Variants in FAAH2 observed in about 807,000 individuals in gnomAD.
FAAH2 encodes fatty-acid amide hydrolase 2.
A neutral mutation model predicts 36.9 loss-of-function variants in FAAH2; 60 were observed. The ratio of observed to expected loss-of-function variants is 1.63; its 90% CI spans 1.32 to 2.02. The LOEUF (loss-of-function observed/expected upper bound fraction) is 2.02, where lower values mean the gene tolerates loss of function less well. FAAH2 is among the 30% of genes most tolerant of loss of function. The pLI is 0.00. For missense variants in FAAH2, 689 were observed against 397.5 expected (o/e 1.73, Z -6.23); for synonymous variants, 214 against 143.8 (o/e 1.49, Z -3.49).
the FAAH2 span, among the ~76,000 whole-genome samples, chrX:57,205,858 G>C: frequency 8.9e-6 from 1 of 111,915 alleles, no homozygotes; most frequent in Non-Finnish European, 1.9e-5. Flanking sequence ...TGCTGTATTT[G>C]TGCCTTCATG....
At chrX:57,408,683 G>A (rs904987498) in intron 7 of FAAH2, among the ~76,000 whole-genome samples, 1 of 110,984 alleles carries the variant, frequency 9.0e-6, no homozygotes, top group African/African-American at 3.3e-5. Flanking sequence ...CATTGAGTCT[G>A]ATGTTAGCTG....
At chrX:57,392,805 G>A in intron 7 of FAAH2, 1 of 646,147 alleles carries the variant, frequency 1.5e-6, no homozygotes. Context: ...GAATCCTGTA[G>A]GGACACCTTT....
At chrX:57,464,053 C>A (rs55841252) in intron 10 of FAAH2, among the ~76,000 whole-genome samples, 1,575 of 112,107 alleles carry the variant, frequency 0.014, 20 homozygotes, top group African/African-American at 0.048. Context: ...CACATATACA[C>A]CATAAAGTAC....
At chrX:57,165,922 C>T in the FAAH2 span, among the ~76,000 whole-genome samples, 1 of 110,257 alleles carries the variant, frequency 9.1e-6, no homozygotes, top group Non-Finnish European at 1.9e-5. Flanking sequence ...CTTGGCCTGC[C>T]ATGCCCCCCA....
At chrX:57,349,858 A>C (rs1193039300) in intron 5 of FAAH2, among the ~76,000 whole-genome samples, 1 of 110,591 alleles carries the variant, frequency 9.0e-6, no homozygotes. Flanking sequence ...AACAGATGAA[A>C]ACTTCCCAAG....
At chrX:57,250,837 C>A in the FAAH2 span, among the ~76,000 whole-genome samples, 8 of 110,264 alleles carry the variant, frequency 7.3e-5, no homozygotes, top group East Asian at 8.5e-4. Flanking sequence ...AACAGACTAA[C>A]AATTATTAAG....
chrX:57,355,627 A>T (rs1199214958), intron 5 of FAAH2, among the ~76,000 whole-genome samples: 2 of 108,983 alleles, frequency 1.8e-5, no homozygotes, highest in African/African-American at 6.6e-5. Context: ...TAACTGATTT[A>T]TTTTTTTTTA....
chrX:57,179,758 A>C, the FAAH2 span, among the ~76,000 whole-genome samples: 12 of 111,864 alleles, frequency 1.1e-4, no homozygotes, highest in African/African-American at 3.6e-4. Context: ...CCAGCACTGG[A>C]CCAAATGGAT....
chrX:57,314,128 C>T (rs1267500586), intron 3 of FAAH2, among the ~76,000 whole-genome samples: 1 of 111,401 alleles, frequency 9.0e-6, no homozygotes, highest in Non-Finnish European at 1.9e-5. Context: ...CAACAACAAT[C>T]AGGAAATACA....
the FAAH2 span, among the ~76,000 whole-genome samples, chrX:57,149,195 C>G: frequency 2.7e-5 from 3 of 111,585 alleles, no homozygotes; most frequent in Admixed American, 2.9e-4. Flanking sequence ...CAGTGTTCAT[C>G]AAGGATATTG....
the FAAH2 span, among the ~76,000 whole-genome samples, chrX:57,224,365 C>T: frequency 2.8e-4 from 31 of 111,843 alleles, no homozygotes; most frequent in East Asian, 8.4e-4. Context: ...AAGATGTCCA[C>T]GTCACCCCCT....
the FAAH2 span, among the ~76,000 whole-genome samples, chrX:57,253,491 A>G: frequency 1.8e-5 from 2 of 111,890 alleles, no homozygotes; most frequent in Non-Finnish European, 3.8e-5. Context: ...GTAAAAATGA[A>G]GGAAAAAATG....
intron 7 of FAAH2, among the ~76,000 whole-genome samples, chrX:57,382,454 G>A (rs2054878690): frequency 1.8e-5 from 2 of 111,452 alleles, no homozygotes; most frequent in Admixed American, 1.9e-4. Flanking sequence ...AGGAAAGAGA[G>A]AAGAATCAAA....
At chrX:57,328,965 A>C (rs1378175729) in intron 3 of FAAH2, among the ~76,000 whole-genome samples, 1 of 111,507 alleles carries the variant, frequency 9.0e-6, no homozygotes, top group Non-Finnish European at 1.9e-5. Flanking sequence ...AGAAGGGACA[A>C]GGTGCTGCCA....
chrX:57,229,850 G>A, the FAAH2 span, among the ~76,000 whole-genome samples: 1 of 111,370 alleles, frequency 9.0e-6, no homozygotes, highest in East Asian at 2.8e-4. Context: ...CTTGTCACCT[G>A]ATATTTACCC....
At chrX:57,123,925 T>G in the FAAH2 span, among the ~76,000 whole-genome samples, 3 of 112,122 alleles carry the variant, frequency 2.7e-5, no homozygotes, top group Admixed American at 2.8e-4. Flanking sequence ...GTGAGTAGAT[T>G]GCAAAAACTT....
intron 5 of FAAH2, among the ~76,000 whole-genome samples, chrX:57,353,479 C>A (rs1162705498): frequency 4.6e-5 from 2 of 43,900 alleles, no homozygotes; most frequent in Non-Finnish European, 8.1e-5. Context: ...CAGAAGACCC[C>A]AAATTATTAA....
At chrX:57,228,507 G>A in the FAAH2 span, among the ~76,000 whole-genome samples, 4 of 110,833 alleles carry the variant, frequency 3.6e-5, no homozygotes, top group African/African-American at 9.9e-5. Context: ...GTTGTCTCCC[G>A]TGTCCTGCAG....
the FAAH2 span, among the ~76,000 whole-genome samples, chrX:57,165,297 C>T: frequency 8.9e-6 from 1 of 112,239 alleles, no homozygotes; most frequent in Non-Finnish European, 1.9e-5. Flanking sequence ...ACCCAAATGT[C>T]CAACAATGAT....
Sources: gnomAD v4.1 joint callset for allele counts (sites outside exome capture counted in the v4.1 genomes callset) on GRCh38, gnomAD v4.1.1 for gene constraint, MANE v1.5 for transcripts, NCBI Gene and HGNC (gene_info 2026-07-23, HGNC 2026-07-21) for gene names.